HS3ST5: variants seen among roughly 807,000 people sequenced by gnomAD.
HS3ST5 encodes heparan sulfate glucosamine 3-O-sulfotransferase 5.
Under a neutral mutation model 25.4 loss-of-function variants are expected in HS3ST5, and 10 were observed. That is an observed-to-expected ratio of 0.39 (90% CI 0.24 to 0.67). HS3ST5 has a LOEUF of 0.67. Ranked by LOEUF, HS3ST5 falls within the 30% of genes least tolerant of loss-of-function variation. The pLI is 0.44. For synonymous variants in HS3ST5, 170 were observed against 162.4 expected, an observed-to-expected ratio of 1.05 and a Z score of -0.36; for missense variants, 324 against 420.7, an observed-to-expected ratio of 0.77 and a Z score of 2.01.
intron 2 of HS3ST5, among the ~76,000 whole-genome samples, chr6:114,172,143 C>A (rs947400338): frequency 6.6e-6 from 1 of 152,180 alleles, no homozygotes. Flanking sequence ...TAAAATCAGA[C>A]TCAGCTTACA....
chr6:114,306,370 C>T (rs1250237298), intron 1 of HS3ST5, among the ~76,000 whole-genome samples: 1 of 149,404 alleles, frequency 6.7e-6, no homozygotes. Context: ...TTAGTAAAAT[C>T]ATTTACATAT....
At chr6:114,264,024 C>T (rs1242721325) in intron 1 of HS3ST5, among the ~76,000 whole-genome samples, 1 of 152,098 alleles carries the variant, frequency 6.6e-6, no homozygotes, top group Non-Finnish European at 1.5e-5. Context: ...TATCGTGTCT[C>T]TTTCCAGATG....
rs1775392702 is a variant in HS3ST5 at position 114,095,778 on chromosome 6, T to A, written c.-32-32901A>T. Among the ~76,000 whole-genome samples the A allele has an allele frequency of 1.3e-5, 2 of 152,150 alleles. 1 individual carries two copies. The highest frequency in any genetic ancestry group is 4.1e-4 in the South Asian group (2 of 4,830). On this transcript the variant is annotated intron_variant, in intron 3 of 4. Transcript: ENST00000312719. ...GATTTCCTAAAGCAGAAACCTGGTTTATCTTACAATATTTTCTACTAGTAT... is the reference window on the plus strand; with the variant it reads ...GATTTCCTAAAGCAGAAACCTGGTTAATCTTACAATATTTTCTACTAGTAT...
intron 3 of HS3ST5, among the ~76,000 whole-genome samples, chr6:114,101,013 C>G (rs1434689789): frequency 6.6e-6 from 1 of 152,194 alleles, no homozygotes. Context: ...AGTGTTTTCT[C>G]TAACTTTTGG....
intron 2 of HS3ST5, among the ~76,000 whole-genome samples, chr6:114,175,621 G>T (rs186183025): frequency 3.7e-4 from 57 of 152,286 alleles, no homozygotes; most frequent in African/African-American, 1.3e-3. Context: ...GGGAGGGCAC[G>T]TGAGGGAGGA....
chr6:114,315,569 A>G (rs1366664716), intron 1 of HS3ST5, among the ~76,000 whole-genome samples: 1 of 152,230 alleles, frequency 6.6e-6, no homozygotes, highest in African/African-American at 2.4e-5. Flanking sequence ...TATTACAAAT[A>G]TGTTAAAAGG....
chr6:114,091,060 T>C (rs1024523378), intron 3 of HS3ST5, among the ~76,000 whole-genome samples: 1 of 152,346 alleles, frequency 6.6e-6, no homozygotes, highest in South Asian at 2.1e-4. Context: ...GGGGCCTAAT[T>C]ATAACACTCC....
chr6:114,206,373 C>T (rs951636184), intron 2 of HS3ST5, among the ~76,000 whole-genome samples: 1 of 152,238 alleles, frequency 6.6e-6, no homozygotes, highest in African/African-American at 2.4e-5. Flanking sequence ...ATGAAGCTAG[C>T]AAATTGCATC....
chr6:114,099,621 C>G (rs1187815975), intron 3 of HS3ST5, among the ~76,000 whole-genome samples: 1 of 152,142 alleles, frequency 6.6e-6, no homozygotes, highest in Non-Finnish European at 1.5e-5. Flanking sequence ...ATTCAGCTCT[C>G]TAAGCTAGCA....
chr6:114,307,304 G>A (rs1369026783), intron 1 of HS3ST5, among the ~76,000 whole-genome samples: 1 of 151,616 alleles, frequency 6.6e-6, no homozygotes, highest in African/African-American at 2.4e-5. Flanking sequence ...TGTCCTTCAT[G>A]AGAAGAGCAT....
rs552490121 is a variant in HS3ST5, at chr6:114,304,128, C to T, written c.-339+38067G>A. Among the ~76,000 whole-genome samples the T allele has an allele frequency of 2.1e-3, 326 of 152,160 alleles. 1 individual carries two copies. Among genetic ancestry groups the T allele is most frequent in the African/African-American group, 6.8e-3 (281 of 41,546 alleles). On this transcript the variant is annotated intron_variant, in intron 1 of 4. Coordinates refer to ENST00000312719, the MANE Select transcript of HS3ST5 (RefSeq NM_153612.4). ...TTCTGACTGACCTACACTCAATTAG[C>T]AATTACTCAAAGGTCAGTCAGAAAA...
At chr6:114,289,193 T>C (rs1774465369) in intron 1 of HS3ST5, among the ~76,000 whole-genome samples, 1 of 152,174 alleles carries the variant, frequency 6.6e-6, no homozygotes, top group East Asian at 1.9e-4. Flanking sequence ...AATACAACAT[T>C]GTAGTTTTAC....
intron 1 of HS3ST5, among the ~76,000 whole-genome samples, chr6:114,237,050 TG>T (rs984364696): frequency 6.6e-6 from 1 of 152,256 alleles, no homozygotes; most frequent in African/African-American, 2.4e-5. Context: ...TAAAATGATT[TG>T]CGACATCTTC....
intron 2 of HS3ST5, among the ~76,000 whole-genome samples, chr6:114,202,792 G>C (rs1400473725): frequency 6.6e-6 from 1 of 152,070 alleles, no homozygotes; most frequent in Admixed American, 6.6e-5. Context: ...AAATTTGAGG[G>C]CTATGCTTTT....
intron 2 of HS3ST5, among the ~76,000 whole-genome samples, chr6:114,226,840 A>C (rs1426037869): frequency 2.0e-5 from 3 of 152,006 alleles, no homozygotes; most frequent in Admixed American, 6.6e-5. Flanking sequence ...TTCAAGACAC[A>C]ATTCATTCTT....
At chr6:114,144,666 C>CCCTGCTGGACCCAGCTTT (rs1263084423) in intron 3 of HS3ST5, among the ~76,000 whole-genome samples, 4 of 152,076 alleles carry the variant, frequency 2.6e-5, no homozygotes, top group African/African-American at 9.7e-5. Context: ...ATATTTTAAC[C>CCCTGCTGGACCCAGCTTT]CCTGCTGGAC....
chr6:114,212,459 A>T (rs924206737), intron 2 of HS3ST5, among the ~76,000 whole-genome samples: 2 of 152,180 alleles, frequency 1.3e-5, no homozygotes, highest in Non-Finnish European at 2.9e-5. Context: ...GCCAACATTC[A>T]TATTCTATAG....
intron 1 of HS3ST5, among the ~76,000 whole-genome samples, chr6:114,254,776 T>A (rs999097245): frequency 1.3e-5 from 2 of 152,126 alleles, no homozygotes; most frequent in African/African-American, 2.4e-5. Context: ...CTCATGAGAC[T>A]TACTCACTAC....
chr6:114,327,546 A>G lies in HS3ST5; in HGVS notation c.-339+14649T>C, dbSNP rs558798621. Reference sequence around the variant, plus strand: ...ATTACAAGATGGCAGTATATTATACAGAGTCTATTTTTACACCTTGAAAAA... The same window carrying G: ...ATTACAAGATGGCAGTATATTATACGGAGTCTATTTTTACACCTTGAAAAA... On this transcript the variant is annotated intron_variant, in intron 1 of 4. Coordinates refer to ENST00000312719, the MANE Select transcript of HS3ST5 (RefSeq NM_153612.4). Among the ~76,000 whole-genome samples the G allele has an allele frequency of 3.3e-4, 50 of 152,378 alleles. 1 individual carries two copies. The Middle Eastern group carries it at 0.02, about 62-fold the overall frequency.
Sources: allele counts gnomAD v4.1 joint callset (sites outside exome capture counted in the v4.1 genomes callset), GRCh38; gene constraint gnomAD v4.1.1; transcripts MANE v1.5; gene names NCBI Gene and HGNC (gene_info 2026-07-23, HGNC 2026-07-21).